The following L1CAM variants were observed in gnomAD, a reference collection of about 807,000 sequenced individuals.
L1CAM encodes neural cell adhesion molecule L1.
A neutral mutation model predicts 93.0 loss-of-function variants in L1CAM; 8 were observed. The observed-to-expected ratio is 0.09, with a 90% CI of 0.05 to 0.16. The LOEUF is 0.16. Among genes scored for constraint, L1CAM ranks in the 10% least tolerant of loss-of-function variants. L1CAM has a pLI of 1.00. For synonymous variants in L1CAM, 453 were observed against 453.0 expected, an observed-to-expected ratio of 1.00 and a Z score of 0.00; for missense variants, 777 against 1,073.4, an observed-to-expected ratio of 0.72 and a Z score of 3.86.
Position 153,875,803 on chromosome X carries a change from G to T in L1CAM, c.34C>A (p.Leu12Ile). The T allele has an allele frequency of 8.3e-7, 1 of 1,210,727 alleles. No individual in the cohort carries two copies. Among genetic ancestry groups the T allele is most frequent in the Non-Finnish European group, 1.1e-6 (1 of 895,222 alleles). The change falls in exon 2 of 29, where the codon CTC (leucine) becomes ATC (isoleucine). Residue 12 changes from leucine to isoleucine, a missense_variant. Leu to Ile is a conservative substitution (Grantham distance 5). This residue lies in a region of L1CAM where 574 missense variants were observed against 781.0 expected (regional missense o/e 0.73). Transcript: ENST00000370060. ...ATAAGCAGGCAGGGGCTGCAGAGGA[G>T]GAGAGGCCACACGTACCGCAGCGCC... is the stretch of plus-strand genomic sequence containing the variant. Reference protein sequence around the residue: ...VVALRYVWPLLLCSPCLLIQI... With the variant: ...VVALRYVWPLILCSPCLLIQI...
intron 1 of L1CAM, among the ~76,000 whole-genome samples, chrX:153,882,137 G>C (rs1557095792): frequency 8.9e-6 from 1 of 111,748 alleles, no homozygotes; most frequent in Non-Finnish European, 1.9e-5. Context: ...AGGCCCCACG[G>C]GCCCCCTCCA....
chrX:153,877,699 G>A (rs2064823809), intron 1 of L1CAM, among the ~76,000 whole-genome samples: 1 of 111,545 alleles, frequency 9.0e-6, no homozygotes, highest in Non-Finnish European at 1.9e-5. Flanking sequence ...GAGGAAGGAG[G>A]AAAACAACCC....
intron 22 of L1CAM, 32 bp from the exon 23 acceptor site, chrX:153,865,026 G>A: frequency 1.7e-6 from 2 of 1,211,970 alleles, no homozygotes; most frequent in South Asian, 1.8e-5. Flanking sequence ...GGCTGTGGCT[G>A]CAGCTCTGCC....
intron 16 of L1CAM, 96 bp from the exon 17 acceptor site, chrX:153,867,649 A>G (rs1440090099): frequency 1.0e-6 from 1 of 969,012 alleles, no homozygotes; most frequent in African/African-American, 1.9e-5. Flanking sequence ...CTGATTACCC[A>G]GGCCAACTGG....
intron 28 of L1CAM, 62 bp downstream of exon 28, chrX:153,863,306 C>T: frequency 8.8e-7 from 1 of 1,142,700 alleles, no homozygotes; most frequent in Non-Finnish European, 1.2e-6. Context: ...AATGGCACAC[C>T]AGGCGCACAT....
intron 2 of L1CAM, among the ~76,000 whole-genome samples, chrX:153,873,607 G>A (rs782037407): frequency 8.9e-6 from 1 of 112,474 alleles, no homozygotes; most frequent in Non-Finnish European, 1.9e-5. Context: ...GCCTGGCAGG[G>A]CCTGCAGAAC....
chrX:153,884,781 G>C (rs1387921254), intron 1 of L1CAM, among the ~76,000 whole-genome samples: 1 of 112,933 alleles, frequency 8.9e-6, no homozygotes, highest in Non-Finnish European at 1.9e-5. Flanking sequence ...AGGAGCTGAC[G>C]GGAGGGGAGA....
chrX:153,882,673 C>A (rs1177047270), intron 1 of L1CAM, among the ~76,000 whole-genome samples: 1 of 110,660 alleles, frequency 9.0e-6, no homozygotes, highest in Non-Finnish European at 1.9e-5. Flanking sequence ...CTGGGATGGA[C>A]GGGTTCAGAA....
Position 153,864,631 on chromosome X carries a change from C to T in L1CAM, c.3120G>A (p.Glu1040=), listed in dbSNP as rs2064694784. Residue 1040 remains glutamate (E), a synonymous_variant, in exon 24 of 29, where the codon GAG becomes GAA. Coordinates refer to ENST00000370060, the MANE Select transcript of L1CAM (RefSeq NM_001278116.2). ...NYSVVSWVPK[E]GQCNFRFHIL... ...TATGGAACCTGAAGTTGCACTGGCC[C>T]TCCTTGGGGACCCAGGAGACGACAC... 8.3e-7 allele frequency: 1 copy of T among 1,211,695 alleles called. No individual in the cohort carries two copies. Among genetic ancestry groups the T allele is most frequent in the Non-Finnish European group, 1.1e-6 (1 of 895,240 alleles).
chrX:153,883,070 AGACAAGGCCCCCATGGGGGGTCTG>A (rs1294385933), intron 1 of L1CAM, among the ~76,000 whole-genome samples: 1 of 111,652 alleles, frequency 9.0e-6, no homozygotes, highest in Non-Finnish European at 1.9e-5. Context: ...CCTTCCACTC[AGACAAGGCCCCCATGGGGGGTCTG>A]GGCCCAACCC....
chrX:153,884,917 G>A (rs1419151167), intron 1 of L1CAM, among the ~76,000 whole-genome samples: 5 of 113,021 alleles, frequency 4.4e-5, no homozygotes, highest in African/African-American at 1.3e-4. Context: ...GGGCTGCCCC[G>A]ATGCCCCTGC....
At chrX:153,865,872 AGGCCAG>A in intron 19 of L1CAM, 53 bp from the exon 20 acceptor site, 5 of 845,875 alleles carry the variant, frequency 5.9e-6, no homozygotes, top group African/African-American at 2.0e-5. Flanking sequence ...CCCAGCCCTG[AGGCCAG>A]GCCCAAGCCC....
chrX:153,870,451 G>T lies in L1CAM; in HGVS notation c.743C>A (p.Ser248Tyr), dbSNP rs782163019. Reference sequence around the variant, plus strand: ...CTGCAAGGCCACCAGGTGGCTGCTGGAGTTGGTGGGGAAGAGCAGGCGCGG... The same window carrying T: ...CTGCAAGGCCACCAGGTGGCTGCTGTAGTTGGTGGGGAAGAGCAGGCGCGG... ...RKPRLLFPTN[S>Y]SSHLVALQGQ... is the part of the protein sequence containing the mutation. The change falls in exon 8 of 29, where the codon TCC (serine) becomes TAC (tyrosine). Residue 248 changes from serine (S) to tyrosine (Y), a missense_variant. Ser to Tyr is a moderately radical substitution (Grantham distance 144). Coordinates refer to ENST00000370060, the MANE Select transcript of L1CAM (RefSeq NM_001278116.2). The T allele has an allele frequency of 8.2e-7, 1 of 1,212,207 alleles. No homozygotes were observed. The highest frequency in any genetic ancestry group is 1.1e-6 in the Non-Finnish European group (1 of 895,498).
chrX:153,883,454 C>T (rs1362173403), intron 1 of L1CAM, among the ~76,000 whole-genome samples: 1 of 110,874 alleles, frequency 9.0e-6, no homozygotes, highest in African/African-American at 3.3e-5. Flanking sequence ...GCGGGGGAAG[C>T]AGGAGAAGGA....
Position 153,866,870 on chromosome X carries a change from G to A in L1CAM, c.2210C>T (p.Pro737Leu), listed in dbSNP as rs781799927. 8.3e-7 allele frequency: 1 copy of A among 1,206,345 alleles called. No individual in the cohort carries two copies. Reference sequence around the variant, plus strand: ...GGCGTTCCAGTCCATCCACCGGAGCGGCTGGAGGAGGCCAGCAGAAGAGGA... The same window carrying A: ...GGCGTTCCAGTCCATCCACCGGAGCAGCTGGAGGAGGCCAGCAGAAGAGGA... ...ETTNMVITWK[P>L]LRWMDWNAPQ... Residue 737 changes from proline (P) to leucine (L), a missense_variant and splice_region_variant, in exon 19 of 29, where the codon CCG becomes CTG. Coordinates refer to ENST00000370060, the MANE Select transcript of L1CAM (RefSeq NM_001278116.2).
At chrX:153,884,719 G>A (rs1419930518) in intron 1 of L1CAM, among the ~76,000 whole-genome samples, 5 of 112,654 alleles carry the variant, frequency 4.4e-5, no homozygotes, top group Non-Finnish European at 7.5e-5. Flanking sequence ...CACTGCATGG[G>A]AGCTGTGCCA....
At chrX:153,884,989 TC>T (rs781824602) in intron 1 of L1CAM, among the ~76,000 whole-genome samples, 6 of 112,107 alleles carry the variant, frequency 5.4e-5, no homozygotes, top group Non-Finnish European at 1.1e-4. Context: ...CCCCACTCCT[TC>T]TGGAGAAGGG....
At chrX:153,872,762 C>T in intron 3 of L1CAM, 65 bp from the exon 4 acceptor site, 1 of 942,789 alleles carries the variant, frequency 1.1e-6, no homozygotes, top group Non-Finnish European at 1.5e-6. Context: ...GCCTCAGCAC[C>T]TGTCCCATCG....
chrX:153,871,633 G>C lies in L1CAM; in HGVS notation c.401-454C>G, dbSNP rs1049058733. On this transcript the variant is annotated intron_variant, in intron 5 of 28. Transcript: ENST00000370060. The stretch of plus-strand genomic sequence containing the variant: ...GAGGAGAGCGCTCAGGAAGCAGAAA[G>C]CTCAGGGAGGATGGAATGCAAAGGG... Among the ~76,000 whole-genome samples the C allele has an allele frequency of 8.1e-5, 9 of 110,778 alleles. No individual in the cohort carries two copies. The East Asian group carries it at 2.0e-3, about 25-fold the overall frequency.
Sources: gnomAD v4.1 joint callset for allele counts (sites outside exome capture counted in the v4.1 genomes callset) on GRCh38, gnomAD v4.1.1 for gene constraint, gnomAD v4.1.1 regional missense constraint, MANE v1.5 for transcripts, NCBI Gene and HGNC (gene_info 2026-07-23, HGNC 2026-07-21) for gene names.